The following DNAH5 variants were observed in gnomAD, a reference collection of about 807,000 sequenced individuals.
DNAH5 encodes axonemal beta dynein heavy chain 5.
In DNAH5, 372 loss-of-function variants were observed where a neutral mutation model predicts 518.2. That is an observed-to-expected ratio of 0.72 (90% CI 0.66 to 0.78). The LOEUF (loss-of-function observed/expected upper bound fraction) is 0.78. DNAH5 is among the 30% of genes least tolerant of loss of function. The pLI is 0.00. For missense variants in DNAH5, 5,523 were observed against 5,687.0 expected (o/e 0.97, Z 0.93); for synonymous variants, 2,039 against 2,025.9 (o/e 1.01, Z -0.17).
chr5:13,814,822 T>C lies in DNAH5; in HGVS notation c.7013A>G (p.Asp2338Gly), dbSNP rs199949551. Residue 2338 changes from aspartate to glycine, a missense_variant, in exon 43 of 79, where the codon GAT becomes GGT. Asp to Gly is a moderately conservative substitution (Grantham distance 94). Coordinates refer to ENST00000265104, the MANE Select transcript of DNAH5 (RefSeq NM_001369.3). Reference sequence around the variant, plus strand: ...AATCCAGATGGCATCTACTGGACCATCAAGAATTATCCAGATATGTTCCCC... The same window carrying C: ...AATCCAGATGGCATCTACTGGACCACCAAGAATTATCCAGATATGTTCCCC... ...KKGEHIWIIL[D>G]GPVDAIWIEN... 1.2e-6 allele frequency: 2 copies of C among 1,613,142 alleles called. No individual in the cohort carries two copies. The highest frequency in any genetic ancestry group is 2.2e-5 in the East Asian group (1 of 44,828).
chr5:13,742,896 T>C (rs954457356), intron 65 of DNAH5, among the ~76,000 whole-genome samples: 8 of 152,042 alleles, frequency 5.3e-5, no homozygotes, highest in African/African-American at 1.4e-4. Flanking sequence ...TAGAAAGTTA[T>C]TGGCAAAAGA....
intron 78 of DNAH5, among the ~76,000 whole-genome samples, chr5:13,695,183 G>T (rs1312651080): frequency 6.6e-6 from 1 of 152,186 alleles, no homozygotes; most frequent in African/African-American, 2.4e-5. Context: ...TATTTGAGAT[G>T]CCTCCAAAGC....
At chr5:13,993,486 A>G (rs563653201) in intron 1 of DNAH5, among the ~76,000 whole-genome samples, 21 of 152,226 alleles carry the variant, frequency 1.4e-4, no homozygotes, top group Non-Finnish European at 2.8e-4. Context: ...ACCCCACTGT[A>G]CTATTACAAA....
chr5:13,880,226 G>A (rs570326179), intron 21 of DNAH5, among the ~76,000 whole-genome samples: 2 of 152,164 alleles, frequency 1.3e-5, no homozygotes, highest in African/African-American at 2.4e-5. Flanking sequence ...CAAAGGGATG[G>A]TATAAACTTT....
intron 56 of DNAH5, among the ~76,000 whole-genome samples, chr5:13,770,126 T>C (rs768255735): frequency 2.0e-5 from 3 of 151,962 alleles, no homozygotes; most frequent in Non-Finnish European, 4.4e-5. Flanking sequence ...ACCCTCCGAG[T>C]CATTTCGTGT....
At chr5:13,909,996 C>T (rs1364255821) in intron 12 of DNAH5, among the ~76,000 whole-genome samples, 2 of 152,154 alleles carry the variant, frequency 1.3e-5, no homozygotes, top group Non-Finnish European at 2.9e-5. Flanking sequence ...TACAGAAGTA[C>T]CATGTGGTCA....
At chr5:13,871,172 CA>C (rs1770046980) in intron 23 of DNAH5, among the ~76,000 whole-genome samples, 170 bp from the exon 24 acceptor site, 1 of 152,266 alleles carries the variant, frequency 6.6e-6, no homozygotes, top group East Asian at 1.9e-4. Context: ...TATATTCATT[CA>C]TTTTTTAAAG....
rs368784315 is a variant in DNAH5, at chr5:13,732,687, C to A, written c.11761+2444G>T. Among the ~76,000 whole-genome samples the A allele has an allele frequency of 5.1e-4, 77 of 152,216 alleles. No individual in the cohort carries two copies. The East Asian group carries it at 8.7e-3, about 17-fold the overall frequency. ...CCTGGGTGGGCCTCTCTTATAAGGG[C>A]ATCAATCCCTTATCTTGACTCTGCC... is the stretch of plus-strand genomic sequence containing the variant. On this transcript the variant is annotated intron_variant, in intron 68 of 78. Transcript: ENST00000265104.
rs752801214 is a variant in DNAH5 at position 13,737,396 on chromosome 5, T to C, written c.11311A>G (p.Thr3771Ala). The C allele has an allele frequency of 6.2e-7, 1 of 1,614,194 alleles. No individual in the cohort carries two copies. The highest frequency in any genetic ancestry group is 8.5e-7 in the Non-Finnish European group (1 of 1,180,014). The change falls in exon 66 of 79, where the codon ACC becomes GCC. Residue 3771 changes from threonine to alanine, a missense_variant. Coordinates refer to ENST00000265104, the MANE Select transcript of DNAH5 (RefSeq NM_001369.3). Reference protein sequence around the residue: ...EDNLLYRLTSTQGSLVEDESL... With the variant: ...EDNLLYRLTSAQGSLVEDESL... ...TCATCTTCTACCAGGGACCCCTGGG[T>C]ACTTGTCAGGCGGTAAAGCAAGTTA...
In DNAH5 at chr5:13,780,882, C is replaced by T. The variant is rs111995400; in HGVS notation, c.8898G>A (p.Thr2966=). The change falls in exon 53 of 79, where the codon ACG becomes ACA. Residue 2966 remains threonine, a synonymous_variant. Coordinates refer to ENST00000265104, the MANE Select transcript of DNAH5 (RefSeq NM_001369.3). The part of the protein sequence containing the change: ...GVGGSGKQSL[T]RLASFIAGYV... ...AGCCAGCAATGAATGAAGCCAACCT[C>T]GTCAGGCTCTGCTTTCCTGATCCGC... is the stretch of plus-strand genomic sequence containing the variant. The T allele has an allele frequency of 0.028, 44,874 of 1,613,708 alleles. 696 individuals are homozygous for T. The highest frequency in any genetic ancestry group is 0.031 in the Non-Finnish European group (37,154 of 1,179,750).
intron 1 of DNAH5, among the ~76,000 whole-genome samples, chr5:13,936,100 G>A (rs1560968768): frequency 6.6e-6 from 1 of 152,172 alleles, no homozygotes; most frequent in Non-Finnish European, 1.5e-5. Context: ...CTTCCCAGGT[G>A]GCCAATCCTC....
In DNAH5 at chr5:13,838,775, G is replaced by A. The variant is rs1425498986; in HGVS notation, c.5882+581C>T. On this transcript the variant is annotated intron_variant, in intron 35 of 78. Transcript: ENST00000265104. Reference sequence around the variant, plus strand: ...GGTCTGTAGAAAAATTGTCTTCCACGAGACCAATCCCTGGTGCCAGAAAGG... The same window carrying A: ...GGTCTGTAGAAAAATTGTCTTCCACAAGACCAATCCCTGGTGCCAGAAAGG... 4.6e-5 allele frequency among the ~76,000 whole-genome samples: 7 copies of A among 152,130 alleles called. No individual in the cohort carries two copies. The East Asian group carries it at 1.3e-3, about 29-fold the overall frequency.
intron 18 of DNAH5, among the ~76,000 whole-genome samples, chr5:13,885,543 C>T (rs1241148072): frequency 1.3e-5 from 2 of 152,146 alleles, no homozygotes; most frequent in African/African-American, 4.8e-5. Context: ...TACCTCCCAC[C>T]AATAACCCTA....
At chr5:13,822,237 CTT>C (rs200658842) in intron 40 of DNAH5, among the ~76,000 whole-genome samples, 64 of 145,802 alleles carry the variant, frequency 4.4e-4, no homozygotes, top group Non-Finnish European at 5.2e-4. Flanking sequence ...TTTTGATTTC[CTT>C]TTTTTTTTTT....
rs1254450684 is a variant in DNAH5 at position 13,886,106 on chromosome 5, T to G, written c.2601A>C (p.Gln867His). 6.2e-7 allele frequency: 1 copy of G among 1,600,370 alleles called. No homozygotes were observed. Among genetic ancestry groups the G allele is most frequent in the East Asian group, 2.2e-5 (1 of 44,708 alleles). ...CTAATGAGCTTTTAAAATGTAGTAT[T>G]TGTGCACCATTTACACAAAGATCCT... is the stretch of plus-strand genomic sequence containing the variant. ...MTKDLCVNGAQILHFKSSLVE... is the reference protein window; with the variant it reads ...MTKDLCVNGAHILHFKSSLVE... The change falls in exon 18 of 79, where the codon CAA (glutamine) becomes CAC (histidine). Residue 867 changes from glutamine to histidine, a missense_variant. Physicochemically the swap from Gln to His is conservative, Grantham distance 24. Transcript: ENST00000265104.
rs145219096 is a variant in DNAH5 at position 13,718,671 on chromosome 5, G to A, written c.12499+211C>T. ...ATGGGCTTAAATAGGGCAGTACTGG[G>A]AAAATAGGAAACTAGAAGGTGGGAA... is the stretch of plus-strand genomic sequence containing the variant. On this transcript the variant is annotated intron_variant, in intron 72 of 78. Transcript: ENST00000265104. Among the ~76,000 whole-genome samples the A allele has an allele frequency of 2.4e-3, 365 of 152,266 alleles. 7 individuals carry two copies. In the East Asian group the frequency reaches 0.053, roughly 22 times the overall value.
intron 3 of DNAH5, among the ~76,000 whole-genome samples, chr5:13,927,402 G>C (rs62340546): frequency 0.055 from 8,333 of 152,194 alleles, 270 homozygotes; most frequent in Middle Eastern, 0.092. Flanking sequence ...CTGTACTTTG[G>C]GAGGCTGAGG....
chr5:13,898,595 T>C lies in DNAH5; in HGVS notation c.2259+1611A>G, dbSNP rs1382187090. 7.5e-6 allele frequency: 3 copies of C among 398,486 alleles called. No homozygotes were observed. In the Admixed American group the frequency reaches 1.3e-4, roughly 18 times the overall value. The allele number at this position is 398,486 out of a possible 1,614,324, so 24.7% of individuals were successfully genotyped here. ...CACTTTGTAGCTATGAGACCTTTGCTAAATCTTTTAACTTCTCTAAGCCAC... is the reference window on the plus strand; with the variant it reads ...CACTTTGTAGCTATGAGACCTTTGCCAAATCTTTTAACTTCTCTAAGCCAC... On this transcript the variant is annotated intron_variant, in intron 15 of 78. Transcript: ENST00000265104.
chr5:13,922,445 T>C (rs978029687), intron 4 of DNAH5, 117 bp from the exon 5 acceptor site: 33 of 1,111,738 alleles, frequency 3.0e-5, no homozygotes, highest in Non-Finnish European at 4.1e-5. Context: ...TATTAGTTTG[T>C]GCCAGGTGTG....
Sources: allele counts gnomAD v4.1 joint callset (sites outside exome capture counted in the v4.1 genomes callset), GRCh38; gene constraint gnomAD v4.1.1; transcripts MANE v1.5; gene names NCBI Gene and HGNC (gene_info 2026-07-23, HGNC 2026-07-21).